TNR: variants seen among roughly 807,000 people sequenced by gnomAD.
The protein encoded by TNR is tenascin-R.
Under a neutral mutation model 150.4 loss-of-function variants are expected in TNR, and 45 were observed. The observed-to-expected ratio is 0.30, with a 90% CI of 0.24 to 0.38. The LOEUF is 0.38. Ranked by LOEUF, TNR falls within the 10% of genes least tolerant of loss-of-function variation. The pLI, the probability that TNR is intolerant of heterozygous loss-of-function variation, is 1.00. For missense variants in TNR, 1,544 were observed against 1,759.1 expected (o/e 0.88, Z 2.19); for synonymous variants, 687 against 678.4 (o/e 1.01, Z -0.20).
chr1:175,441,018 T>G lies in TNR; in HGVS notation c.-63-34241A>C, dbSNP rs531125190. 5.9e-5 allele frequency among the ~76,000 whole-genome samples: 9 copies of G among 152,182 alleles called. No homozygotes were observed. In the East Asian group the frequency reaches 1.7e-3, roughly 29 times the overall value. On this transcript the variant is annotated intron_variant, in intron 2 of 22. Transcript: ENST00000367674. ...TTGGTAGATGAAAAGGTGGGGGTGA[T>G]AGAATTTCTCTTTTGATTGCTTCCT... is the stretch of plus-strand genomic sequence containing the variant.
In TNR at chr1:175,485,472, G is replaced by A. The variant is rs190650752; in HGVS notation, c.-64+42797C>T. ...AAGGAGAAAGGGTTTGGGGTGGGGT[G>A]GGCACAGTCAGAGATAGGAGAACTT... On this transcript the variant is annotated intron_variant, in intron 2 of 22. Transcript: ENST00000367674. Among the ~76,000 whole-genome samples, 132 of 152,272 alleles carry A rather than the reference G, an allele frequency of 8.7e-4. 1 individual carries two copies. Among genetic ancestry groups the A allele is most frequent in the East Asian group, 2.1e-3 (11 of 5,180 alleles).
At chr1:175,564,665 G>C (rs1661567289) in intron 1 of TNR, among the ~76,000 whole-genome samples, 1 of 150,306 alleles carries the variant, frequency 6.7e-6, no homozygotes, top group Admixed American at 6.6e-5. Context: ...ATGTTTATTT[G>C]GGGTGGTTTT....
At chr1:175,534,139 G>A (rs926305) in intron 1 of TNR, among the ~76,000 whole-genome samples, 88,105 of 152,082 alleles carry the variant, frequency 0.58, 26,845 homozygotes, top group East Asian at 0.69. Flanking sequence ...ACAACCTCAT[G>A]CTCACACAAG....
intron 1 of TNR, among the ~76,000 whole-genome samples, chr1:175,584,005 C>G (rs575263190): frequency 6.6e-6 from 1 of 152,220 alleles, no homozygotes; most frequent in South Asian, 2.1e-4. Context: ...GACCTGGACA[C>G]CTTTCTTGAC....
chr1:175,366,165 T>C, intron 10 of TNR, 27 bp from the exon 11 acceptor site: 1 of 1,561,204 alleles, frequency 6.4e-7, no homozygotes. Flanking sequence ...ATGGCCTATT[T>C]TACATGTGTT....
At chr1:175,346,981 T>C (rs991902827) in intron 18 of TNR, among the ~76,000 whole-genome samples, 1 of 151,830 alleles carries the variant, frequency 6.6e-6, no homozygotes, top group Non-Finnish European at 1.5e-5. Flanking sequence ...TTAGTGAACA[T>C]GGATTTCAAA....
At chr1:175,531,143 C>T (rs568095086) in intron 1 of TNR, among the ~76,000 whole-genome samples, 72 of 152,312 alleles carry the variant, frequency 4.7e-4, no homozygotes, top group African/African-American at 7.5e-4. Flanking sequence ...TTTATTTAAA[C>T]GGGTTTCCAA....
At chr1:175,742,678 C>T (rs1254774739) in intron 1 of TNR, among the ~76,000 whole-genome samples, 1 of 152,160 alleles carries the variant, frequency 6.6e-6, no homozygotes, top group African/African-American at 2.4e-5. Context: ...GCTCTCTCCA[C>T]AGCAAGAGCC....
chr1:175,734,860 C>T (rs750871786), intron 1 of TNR, among the ~76,000 whole-genome samples: 35 of 152,194 alleles, frequency 2.3e-4, no homozygotes, highest in African/African-American at 5.8e-4. Flanking sequence ...TGCGTGTGAG[C>T]GAGTGGGCAC....
intron 7 of TNR, among the ~76,000 whole-genome samples, chr1:175,388,627 A>G (rs574597518): frequency 1.3e-5 from 2 of 152,344 alleles, no homozygotes; most frequent in South Asian, 4.1e-4. Flanking sequence ...CTTGGTAGCA[A>G]TGTTCCATTC....
At chr1:175,443,516 G>A (rs1655889559) in intron 2 of TNR, among the ~76,000 whole-genome samples, 1 of 152,098 alleles carries the variant, frequency 6.6e-6, no homozygotes, top group African/African-American at 2.4e-5. Flanking sequence ...TCTGTGGTTG[G>A]GACTGTAGGG....
intron 1 of TNR, among the ~76,000 whole-genome samples, chr1:175,605,348 T>C (rs1663373537): frequency 6.6e-6 from 1 of 152,198 alleles, no homozygotes; most frequent in Non-Finnish European, 1.5e-5. Context: ...AGGAGGTCAA[T>C]GTCTAGCACT....
At chr1:175,519,358 G>A (rs1659540525) in intron 2 of TNR, among the ~76,000 whole-genome samples, 1 of 152,180 alleles carries the variant, frequency 6.6e-6, no homozygotes. Context: ...TTGAGCTCAT[G>A]GTGGACTAGA....
At chr1:175,713,929 C>T (rs1015268520) in intron 1 of TNR, among the ~76,000 whole-genome samples, 5 of 152,228 alleles carry the variant, frequency 3.3e-5, no homozygotes, top group East Asian at 1.9e-4. Flanking sequence ...TTAAATAAGG[C>T]GTAAATGTGC....
intron 1 of TNR, among the ~76,000 whole-genome samples, chr1:175,650,526 A>G (rs968077733): frequency 1.3e-5 from 2 of 151,834 alleles, no homozygotes; most frequent in African/African-American, 2.4e-5. Flanking sequence ...GAGAAGTCTA[A>G]TTGGTACAGG....
At chr1:175,697,324 CAACA>C (rs1666559687) in intron 1 of TNR, among the ~76,000 whole-genome samples, 1 of 149,642 alleles carries the variant, frequency 6.7e-6, no homozygotes, top group Non-Finnish European at 1.5e-5. Context: ...GAACAAAGAG[CAACA>C]AACAGCTCCT....
At chr1:175,370,407 C>A (rs1652047101) in intron 9 of TNR, among the ~76,000 whole-genome samples, 1 of 119,070 alleles carries the variant, frequency 8.4e-6, no homozygotes. Context: ...CCGCCCCAGG[C>A]AAGTACAGGC....
intron 1 of TNR, among the ~76,000 whole-genome samples, chr1:175,656,413 A>G (rs1158397219): frequency 2.0e-5 from 3 of 152,030 alleles, no homozygotes; most frequent in Non-Finnish European, 4.4e-5. Flanking sequence ...TGAACCAGCA[A>G]CCTCTCAGTA....
chr1:175,402,210 G>A (rs1192796744), intron 4 of TNR, among the ~76,000 whole-genome samples: 7 of 150,080 alleles, frequency 4.7e-5, no homozygotes, highest in Non-Finnish European at 1.0e-4. Context: ...GGGAGGCTGA[G>A]GCAGGAGAAT....
Sources: allele counts gnomAD v4.1 joint callset (sites outside exome capture counted in the v4.1 genomes callset), GRCh38; gene constraint gnomAD v4.1.1; transcripts MANE v1.5; gene names NCBI Gene and HGNC (gene_info 2026-07-23, HGNC 2026-07-21).